Variants in CHST9 observed in about 807,000 individuals in gnomAD.
CHST9 encodes carbohydrate sulfotransferase 9.
CHST9 carries 41 observed loss-of-function variants against 44.4 expected under a neutral mutation model. The observed-to-expected ratio is 0.92, with a 90% CI of 0.72 to 1.20. The LOEUF (loss-of-function observed/expected upper bound fraction) is 1.20. Among genes scored for constraint, CHST9 ranks in the 50% most tolerant of loss-of-function variants. The pLI is 0.00. For synonymous variants in CHST9, 171 were observed against 178.4 expected, an observed-to-expected ratio of 0.96 and a Z score of 0.33; for missense variants, 504 against 516.5, an observed-to-expected ratio of 0.98 and a Z score of 0.23.
intron 5 of CHST9, among the ~76,000 whole-genome samples, chr18:26,943,854 A>G (rs761595389): frequency 6.6e-6 from 1 of 152,232 alleles, no homozygotes; most frequent in Non-Finnish European, 1.5e-5. Flanking sequence ...AACTGTGAGT[A>G]GAAACAAAAG....
At chr18:26,975,723 G>GTA (rs1180630852) in intron 4 of CHST9, among the ~76,000 whole-genome samples, 466 of 59,182 alleles carry the variant, frequency 7.9e-3, no homozygotes, top group Middle Eastern at 0.018. Flanking sequence ...GTGTGTGTGT[G>GTA]TGTATATATA....
At chr18:26,946,013 G>A (rs1423521588) in intron 4 of CHST9, among the ~76,000 whole-genome samples, 6 of 152,136 alleles carry the variant, frequency 3.9e-5, no homozygotes, top group Non-Finnish European at 8.8e-5. Context: ...TTCAGAGTGG[G>A]CTATTTCATG....
At chr18:26,952,505 C>A in intron 4 of CHST9, 1 of 460,046 alleles carries the variant, frequency 2.2e-6, no homozygotes, top group South Asian at 1.8e-5. Flanking sequence ...CCTGGAGGAC[C>A]AGTCCATCCA....
chr18:27,079,372 T>A lies in CHST9; in HGVS notation c.122-30869A>T, dbSNP rs970829888. 3.9e-5 allele frequency among the ~76,000 whole-genome samples: 6 copies of A among 152,304 alleles called. No homozygotes were observed. The Middle Eastern group carries it at 0.01, about 259-fold the overall frequency. Reference sequence around the variant, plus strand: ...GAATTGTGTTATAAAGTATAGGATATCATTAGTTCAATAATGTGACTCTAA... The same window carrying A: ...GAATTGTGTTATAAAGTATAGGATAACATTAGTTCAATAATGTGACTCTAA... On this transcript the variant is annotated intron_variant, in intron 2 of 5. Coordinates refer to ENST00000618847, the MANE Select transcript of CHST9 (RefSeq NM_031422.6).
intron 2 of CHST9, among the ~76,000 whole-genome samples, chr18:27,070,494 A>G (rs1422908014): frequency 1.3e-5 from 2 of 152,212 alleles, no homozygotes; most frequent in Non-Finnish European, 2.9e-5. Context: ...ATAGTAGTAA[A>G]TGTCAAACCT....
chr18:27,176,746 T>C (rs775078404), intron 1 of CHST9, among the ~76,000 whole-genome samples: 3 of 152,042 alleles, frequency 2.0e-5, no homozygotes, highest in Non-Finnish European at 4.4e-5. Context: ...ACTTGGTATA[T>C]GTATGTTGAG....
chr18:27,181,466 A>G (rs1294291434), intron 1 of CHST9, among the ~76,000 whole-genome samples: 1 of 152,206 alleles, frequency 6.6e-6, no homozygotes, highest in Non-Finnish European at 1.5e-5. Flanking sequence ...GAGCATAGGT[A>G]CAGAGATGAA....
rs370712127 is a variant in CHST9 at position 27,104,987 on chromosome 18, G to A, written c.121+37702C>T. ...GTCACTTTAAGCATAGGAACTGTTC[G>A]CCTTCCAGTAATTTATGGAAATGAA... On this transcript the variant is annotated intron_variant, in intron 2 of 5. Transcript: ENST00000618847. 4.6e-5 allele frequency among the ~76,000 whole-genome samples: 7 copies of A among 152,014 alleles called. No homozygotes were observed. In the South Asian group the frequency reaches 6.2e-4, roughly 13 times the overall value.
chr18:27,067,031 C>T (rs1009199512), intron 2 of CHST9, among the ~76,000 whole-genome samples: 1 of 152,082 alleles, frequency 6.6e-6, no homozygotes, highest in African/African-American at 2.4e-5. Flanking sequence ...ATATTCCAAA[C>T]ATTAAATTCC....
At position 27,147,125 on chromosome 18, in the gene CHST9, T is replaced by G. The variant is rs1288481258; in HGVS notation, c.-96-4220A>C. On this transcript the variant is annotated intron_variant, in intron 1 of 5. Transcript: ENST00000618847. ...TGTTGCCCAGGCTGGAGTGCAATGGTACGATCTCAGCTCACCACAACCTTC... is the reference window on the plus strand; with the variant it reads ...TGTTGCCCAGGCTGGAGTGCAATGGGACGATCTCAGCTCACCACAACCTTC... Among the ~76,000 whole-genome samples the G allele has an allele frequency of 5.3e-5, 8 of 152,122 alleles. No homozygotes were observed. The East Asian group carries it at 1.5e-3, about 29-fold the overall frequency.
At chr18:27,125,015 G>A (rs1048249096) in intron 2 of CHST9, among the ~76,000 whole-genome samples, 1 of 152,080 alleles carries the variant, frequency 6.6e-6, no homozygotes, top group African/African-American at 2.4e-5. Context: ...GCTGCTACTC[G>A]GTTTATTCCT....
At chr18:26,922,695 G>T (rs2055681810) in intron 5 of CHST9, among the ~76,000 whole-genome samples, 1 of 152,032 alleles carries the variant, frequency 6.6e-6, no homozygotes, top group Non-Finnish European at 1.5e-5. Context: ...GAGTGCAATG[G>T]CATGATCTTG....
At chr18:26,961,613 G>C (rs1226909683) in intron 4 of CHST9, among the ~76,000 whole-genome samples, 1 of 152,044 alleles carries the variant, frequency 6.6e-6, no homozygotes, top group Non-Finnish European at 1.5e-5. Flanking sequence ...AATGTGTAGA[G>C]ATGAAGGTCT....
chr18:26,958,697 G>T (rs754938705), intron 4 of CHST9, among the ~76,000 whole-genome samples: 5 of 152,170 alleles, frequency 3.3e-5, no homozygotes, highest in Non-Finnish European at 5.9e-5. Flanking sequence ...CTCAAAGGAA[G>T]CTGTCAGCAA....
chr18:27,039,501 G>A (rs559568122), intron 3 of CHST9, among the ~76,000 whole-genome samples: 79 of 152,196 alleles, frequency 5.2e-4, no homozygotes, highest in African/African-American at 1.9e-3. Context: ...AGGGACAGAG[G>A]GATGGAAGAA....
chr18:26,962,437 T>A (rs1466394406), intron 4 of CHST9, among the ~76,000 whole-genome samples: 1 of 152,000 alleles, frequency 6.6e-6, no homozygotes, highest in East Asian at 1.9e-4. Flanking sequence ...ACTACAGGCA[T>A]CTGCCACCAT....
At chr18:27,078,996 TCCTAAAGCCATGAGCAATGTCCTGTG>T (rs2057935073) in intron 2 of CHST9, among the ~76,000 whole-genome samples, 1 of 152,130 alleles carries the variant, frequency 6.6e-6, no homozygotes, top group African/African-American at 2.4e-5. Context: ...GTACCTCAGT[TCCTAAAGCCATGAGCAATGTCCTGTG>T]CATGCTTGGG....
chr18:27,150,369 C>T (rs2058650091), intron 1 of CHST9, among the ~76,000 whole-genome samples: 1 of 152,168 alleles, frequency 6.6e-6, no homozygotes, highest in Non-Finnish European at 1.5e-5. Flanking sequence ...AACATTACAG[C>T]TTCAGGTGGA....
chr18:26,965,210 T>G (rs562148849), intron 4 of CHST9, among the ~76,000 whole-genome samples: 1 of 152,312 alleles, frequency 6.6e-6, no homozygotes, highest in East Asian at 1.9e-4. Flanking sequence ...CCCTGGCTGG[T>G]GGGTCATGGC....
Sources: gnomAD v4.1 joint callset for allele counts (sites outside exome capture counted in the v4.1 genomes callset) on GRCh38, gnomAD v4.1.1 for gene constraint, MANE v1.5 for transcripts, NCBI Gene and HGNC (gene_info 2026-07-23, HGNC 2026-07-21) for gene names.